Variants in GOLGA4 observed in about 807,000 individuals in gnomAD.
The protein encoded by GOLGA4 is golgin subfamily A member 4.
In GOLGA4, 169 loss-of-function variants were observed where a neutral mutation model predicts 265.9. The observed-to-expected ratio is 0.64, with a 90% CI of 0.56 to 0.72. GOLGA4 has a LOEUF of 0.72. Among genes scored for constraint, GOLGA4 ranks in the 30% least tolerant of loss-of-function variants. GOLGA4 has a pLI of 0.00. For synonymous variants in GOLGA4, 923 were observed against 855.8 expected, an observed-to-expected ratio of 1.08 and a Z score of -1.37; for missense variants, 2,482 against 2,483.4, an observed-to-expected ratio of 1.00 and a Z score of 0.01.
At chr3:37,323,463 T>G (rs2096961007) in intron 13 of GOLGA4, 125 bp from the exon 14 acceptor site, 1 of 628,178 alleles carries the variant, frequency 1.6e-6, no homozygotes, top group Non-Finnish European at 2.8e-6. Flanking sequence ...ATAGATTCTT[T>G]GTCTTTTCTA....
At chr3:37,276,946 A>G (rs2096821015) in intron 2 of GOLGA4, among the ~76,000 whole-genome samples, 1 of 152,042 alleles carries the variant, frequency 6.6e-6, no homozygotes, top group South Asian at 2.1e-4. Flanking sequence ...AAATTCTGTT[A>G]CTCTCTGTTA....
At chr3:37,317,010 TC>T (rs932012625) in intron 11 of GOLGA4, among the ~76,000 whole-genome samples, 1 of 152,190 alleles carries the variant, frequency 6.6e-6, no homozygotes, top group Non-Finnish European at 1.5e-5. Flanking sequence ...AGGAGATTGT[TC>T]CTTAGCCATT....
chr3:37,317,128 G>A (rs1256362508), intron 11 of GOLGA4, among the ~76,000 whole-genome samples: 1 of 151,968 alleles, frequency 6.6e-6, no homozygotes, highest in African/African-American at 2.4e-5. Context: ...TAGATATTTA[G>A]ATTGTTTTCA....
At chr3:37,322,255 C>T (rs2096957038) in intron 13 of GOLGA4, among the ~76,000 whole-genome samples, 1 of 152,134 alleles carries the variant, frequency 6.6e-6, no homozygotes. Context: ...TATGCCATGT[C>T]CTGAACGTAA....
chr3:37,359,191 A>G (rs2097098123), intron 22 of GOLGA4, among the ~76,000 whole-genome samples: 1 of 152,186 alleles, frequency 6.6e-6, no homozygotes, highest in East Asian at 1.9e-4. Context: ...TTAGATGGCC[A>G]GAGTAGACTG....
At position 37,326,089 on chromosome 3, in the gene GOLGA4, G is replaced by A. The variant is rs1035536151; in HGVS notation, c.4203G>A (p.Lys1401=). 1.2e-6 allele frequency: 2 copies of A among 1,613,146 alleles called. No homozygotes were observed. Among genetic ancestry groups the A allele is most frequent in the South Asian group, 1.1e-5 (1 of 91,038 alleles). Residue 1401 remains lysine (K), a synonymous_variant, in exon 14 of 24, where the codon AAG becomes AAA. Transcript: ENST00000361924. ...EKEAAISSLR[K]QYDEEKCELL... ...AAGCAGCCATTTCATCACTAAGAAAGCAGTATGATGAAGAAAAATGTGAAT... is the reference window on the plus strand; with the variant it reads ...AAGCAGCCATTTCATCACTAAGAAAACAGTATGATGAAGAAAAATGTGAAT...
chr3:37,255,247 A>G (rs1454731920), intron 2 of GOLGA4, among the ~76,000 whole-genome samples: 2 of 151,594 alleles, frequency 1.3e-5, no homozygotes, highest in African/African-American at 2.4e-5. Context: ...TGCAACCTCC[A>G]CCTCCCGGGT....
intron 11 of GOLGA4, among the ~76,000 whole-genome samples, chr3:37,318,406 C>T (rs779600334): frequency 1.9e-4 from 29 of 152,120 alleles, no homozygotes; most frequent in Non-Finnish European, 3.5e-4. Flanking sequence ...TTTCTTTCTG[C>T]ATTCTCTGTG....
intron 2 of GOLGA4, among the ~76,000 whole-genome samples, chr3:37,278,813 C>CCT (rs1553606454): frequency 1.4e-4 from 18 of 131,392 alleles, no homozygotes; most frequent in African/African-American, 4.2e-4. Flanking sequence ...AGTTTGTTTA[C>CCT]TTTTTTTTTT....
At chr3:37,245,917 A>G (rs2096718245) in intron 1 of GOLGA4, among the ~76,000 whole-genome samples, 1 of 152,130 alleles carries the variant, frequency 6.6e-6, no homozygotes, top group African/African-American at 2.4e-5. Context: ...TGCCTGCCAT[A>G]TATTTTTCTC....
chr3:37,261,459 A>G (rs1284363664), intron 2 of GOLGA4, among the ~76,000 whole-genome samples: 1 of 152,224 alleles, frequency 6.6e-6, no homozygotes, highest in Non-Finnish European at 1.5e-5. Context: ...AAAGGCAGCC[A>G]TTTTCAACTA....
intron 16 of GOLGA4, among the ~76,000 whole-genome samples, chr3:37,332,030 G>A (rs1332601500): frequency 6.6e-6 from 1 of 152,086 alleles, no homozygotes; most frequent in African/African-American, 2.4e-5. Context: ...TTGTATTAAT[G>A]TCCTACCTAG....
At chr3:37,265,536 AT>A (rs2096781385) in intron 2 of GOLGA4, among the ~76,000 whole-genome samples, 1 of 152,126 alleles carries the variant, frequency 6.6e-6, no homozygotes, top group Admixed American at 6.5e-5. Context: ...TTTACTATGC[AT>A]TTTTAAGCCC....
At chr3:37,345,021 C>T (rs1435728306) in intron 20 of GOLGA4, among the ~76,000 whole-genome samples, 1 of 151,860 alleles carries the variant, frequency 6.6e-6, no homozygotes, top group East Asian at 1.9e-4. Flanking sequence ...TTGAGACTAA[C>T]CTGGACAATG....
chr3:37,331,425 C>T (rs1293413414), intron 16 of GOLGA4, among the ~76,000 whole-genome samples: 1 of 152,034 alleles, frequency 6.6e-6, no homozygotes, highest in African/African-American at 2.4e-5. Context: ...ATACTTTATC[C>T]CAAAGAAATT....
Position 37,326,033 on chromosome 3 carries a change from C to T in GOLGA4, c.4147C>T (p.Leu1383Phe), listed in dbSNP as rs114637390. The T allele has an allele frequency of 3.9e-4, 626 of 1,613,018 alleles. 2 individuals carry two copies. In the African/African-American group the frequency reaches 7.5e-3, roughly 19 times the overall value. ...SKQLTDLNVQLQNSISLSEKE... is the reference protein window; with the variant it reads ...SKQLTDLNVQFQNSISLSEKE... ...ACAACTAACTGATTTGAATGTTCAG[C>T]TTCAAAATAGCATCAGCCTATCCGA... is the stretch of plus-strand genomic sequence containing the variant. Residue 1383 changes from leucine to phenylalanine, a missense_variant, in exon 14 of 24, where the codon CTT (leucine) becomes TTT (phenylalanine). Transcript: ENST00000361924.
intron 23 of GOLGA4, among the ~76,000 whole-genome samples, chr3:37,362,720 C>T (rs1199622704): frequency 6.7e-6 from 1 of 148,204 alleles, no homozygotes; most frequent in Non-Finnish European, 1.5e-5. Context: ...TAGTGATGGT[C>T]TTGCATAGGC....
chr3:37,296,056 A>G, intron 6 of GOLGA4, 31 bp from the exon 7 acceptor site: 2 of 1,601,122 alleles, frequency 1.2e-6, no homozygotes, highest in Admixed American at 1.7e-5. Flanking sequence ...GTTTTTTTTG[A>G]CTTTTTTCTA....
chr3:37,295,239 A>G (rs550183411), intron 6 of GOLGA4, among the ~76,000 whole-genome samples, 162 bp downstream of exon 6: 23 of 152,076 alleles, frequency 1.5e-4, no homozygotes, highest in African/African-American at 5.3e-4. Context: ...TTTTTTTGAG[A>G]CAGAGTCTTG....
Sources: gnomAD v4.1 joint callset for allele counts (sites outside exome capture counted in the v4.1 genomes callset) on GRCh38, gnomAD v4.1.1 for gene constraint, MANE v1.5 for transcripts, NCBI Gene and HGNC (gene_info 2026-07-23, HGNC 2026-07-21) for gene names.